LITAF: variants seen among roughly 807,000 people sequenced by gnomAD.
LITAF encodes lipopolysaccharide induced TNF factor, also known as lipopolysaccharide-induced tumor necrosis factor-alpha factor.
In LITAF, 9 loss-of-function variants were observed where a neutral mutation model predicts 14.5. The ratio of observed to expected loss-of-function variants is 0.62; its 90% confidence interval spans 0.37 to 1.08. LITAF has a LOEUF of 1.08. Ranked by LOEUF, LITAF falls within the 50% of genes least tolerant of loss-of-function variation. The pLI is 0.01. For missense variants in LITAF, 206 were observed against 213.4 expected (o/e 0.97, Z 0.22); for synonymous variants, 98 against 88.2 (o/e 1.11, Z -0.62).
intron 2 of LITAF, among the ~76,000 whole-genome samples, chr16:11,555,794 C>T (rs1008318840): frequency 2.7e-4 from 41 of 152,272 alleles, no homozygotes; most frequent in South Asian, 1.0e-3. Context: ...TTTTATCAAA[C>T]GAGTACTCTG....
intron 1 of LITAF, among the ~76,000 whole-genome samples, chr16:11,562,544 T>G (rs939659027): frequency 6.6e-6 from 1 of 152,128 alleles, no homozygotes; most frequent in Non-Finnish European, 1.5e-5. Context: ...TTGGGATATC[T>G]TGGGGTCCCT....
chr16:11,570,042 A>G (rs1445327723), intron 1 of LITAF, among the ~76,000 whole-genome samples: 1 of 152,028 alleles, frequency 6.6e-6, no homozygotes, highest in East Asian at 1.9e-4. Flanking sequence ...AAAAAAAAAA[A>G]AAGTTAAAAT....
intron 2 of LITAF, 125 bp downstream of exon 2, chr16:11,556,386 G>T: frequency 1.3e-6 from 1 of 749,418 alleles, no homozygotes; most frequent in Non-Finnish European, 2.2e-6. Flanking sequence ...TCAAGGTAAG[G>T]GGGTAAAACT....
At chr16:11,583,861 G>C (rs114965240) in intron 1 of LITAF, among the ~76,000 whole-genome samples, 1,771 of 152,264 alleles carry the variant, frequency 0.012, 30 homozygotes, top group African/African-American at 0.04. Flanking sequence ...CCATCACATA[G>C]ACACCCTCCA....
intron 3 of LITAF, among the ~76,000 whole-genome samples, chr16:11,622,287 G>A (rs975728630): frequency 8.5e-5 from 13 of 152,250 alleles, no homozygotes; most frequent in African/African-American, 3.1e-4. Flanking sequence ...AGAGTAAACA[G>A]CCTGAACGCT....
intron 1 of LITAF, among the ~76,000 whole-genome samples, chr16:11,572,990 G>A (rs1043540360): frequency 4.6e-5 from 7 of 151,154 alleles, no homozygotes; most frequent in Admixed American, 1.3e-4. Context: ...ATGCAGTGGC[G>A]CAATCTCAGC....
upstream of LITAF, among the ~76,000 whole-genome samples, chr16:11,587,747 C>T (rs1436655090): frequency 6.6e-6 from 1 of 152,096 alleles, no homozygotes; most frequent in East Asian, 1.9e-4. Flanking sequence ...CCCCATCGGC[C>T]GGCTGCAGTG....
At chr16:11,600,280 T>G (rs2063152971), upstream of LITAF, among the ~76,000 whole-genome samples, 1 of 152,204 alleles carries the variant, frequency 6.6e-6, no homozygotes, top group South Asian at 2.1e-4. This position sits in a 1 kb window ranked among gnomAD's most constrained non-coding sequence, Gnocchi z 4.1. Context: ...TTCGGCCACA[T>G]TTGTCACCTC....
intron 1 of LITAF, among the ~76,000 whole-genome samples, chr16:11,576,098 A>C (rs1223076563): frequency 1.3e-5 from 2 of 152,276 alleles, no homozygotes; most frequent in East Asian, 3.9e-4. Flanking sequence ...TATGTTGCCC[A>C]GGCTGGCCTC....
intron 1 of LITAF, among the ~76,000 whole-genome samples, chr16:11,576,775 C>T (rs995020441): frequency 6.6e-6 from 1 of 152,088 alleles, no homozygotes; most frequent in African/African-American, 2.4e-5. Flanking sequence ...TTGCCGTGGG[C>T]GCCTCCTCTG....
At chr16:11,571,021 T>C (rs2064533884) in intron 1 of LITAF, among the ~76,000 whole-genome samples, 2 of 152,090 alleles carry the variant, frequency 1.3e-5, no homozygotes, top group South Asian at 2.1e-4. Flanking sequence ...GGCAAGACCA[T>C]GGATTTTCCC....
chr16:11,620,410 C>A (rs1045824516), intron 3 of LITAF, among the ~76,000 whole-genome samples: 1 of 152,046 alleles, frequency 6.6e-6, no homozygotes, highest in Non-Finnish European at 1.5e-5. Flanking sequence ...CATGCCTGTT[C>A]CCCCTTCGCC....
upstream of LITAF, among the ~76,000 whole-genome samples, chr16:11,636,658 GTT>G (rs1249794404): frequency 2.6e-5 from 4 of 152,170 alleles, 1 homozygote; most frequent in Admixed American, 2.6e-4. Context: ...GAGCCCCCGT[GTT>G]GAACACACCT....
intron 3 of LITAF, among the ~76,000 whole-genome samples, chr16:11,613,691 T>G (rs1021473901): frequency 1.3e-5 from 2 of 152,104 alleles, no homozygotes; most frequent in Non-Finnish European, 2.9e-5. Context: ...AGGAAAGGTG[T>G]CCTTACAGGG....
At position 11,549,352 on chromosome 16, in the gene LITAF, G is replaced by A; in HGVS notation, c.*285C>T. ...CAGGAAGATATTCGGATAGGGCAAT[G>A]ATCACAGTTAGATGGCAGGACTCAG... On this transcript the variant is annotated 3_prime_UTR_variant, in exon 4 of 4. Transcript: ENST00000622633. The surrounding 1 kb of genome is among the most constrained non-coding windows in gnomAD (Gnocchi z 4.6). 4.0e-6 allele frequency: 2 copies of A among 496,782 alleles called. No homozygotes were observed. The highest frequency in any genetic ancestry group is 7.9e-6 in the Non-Finnish European group (2 of 253,828). The allele number at this position is 496,782 out of a possible 1,614,324, so 30.8% of individuals were successfully genotyped here.
At chr16:11,630,500 G>T (rs1309865435) in intron 3 of LITAF, among the ~76,000 whole-genome samples, 1 of 151,940 alleles carries the variant, frequency 6.6e-6, no homozygotes, top group Non-Finnish European at 1.5e-5. Context: ...CAGGCACACA[G>T]GAGTCCCTGT....
At chr16:11,585,464 G>A (rs907270680) in intron 1 of LITAF, among the ~76,000 whole-genome samples, 4 of 152,138 alleles carry the variant, frequency 2.6e-5, no homozygotes, top group African/African-American at 9.7e-5. Flanking sequence ...GGCTGGTGGA[G>A]AAGAAAGCCA....
chr16:11,585,094 G>A (rs907235874), intron 1 of LITAF, among the ~76,000 whole-genome samples: 4 of 151,950 alleles, frequency 2.6e-5, no homozygotes, highest in African/African-American at 7.3e-5. Flanking sequence ...TGTAATCCCC[G>A]CTACTTGGGA....
chr16:11,592,515 C>G (rs960093050), intron 1 of LITAF, among the ~76,000 whole-genome samples: 13 of 150,234 alleles, frequency 8.7e-5, no homozygotes, highest in African/African-American at 2.7e-4. Context: ...GTCAACACTG[C>G]AGTGAGCAGA....
Sources: allele counts gnomAD v4.1 joint callset (sites outside exome capture counted in the v4.1 genomes callset), GRCh38; gene constraint gnomAD v4.1.1; non-coding constraint Gnocchi (gnomAD v3.1); transcripts MANE v1.5; gene names NCBI Gene and HGNC (gene_info 2026-07-23, HGNC 2026-07-21).